Variants in USP30 observed in about 807,000 individuals in gnomAD.
The protein encoded by USP30 is ubiquitin carboxyl-terminal hydrolase 30.
USP30 carries 41 observed loss-of-function variants against 68.2 expected under a neutral mutation model. The observed-to-expected ratio is 0.60, with a 90% confidence interval of 0.47 to 0.78. The LOEUF is 0.78. USP30 is among the 30% of genes least tolerant of loss of function. USP30 has a pLI of 0.00. For synonymous variants in USP30, 229 were observed against 253.7 expected (o/e 0.90, Z 0.93); for missense variants, 522 against 649.4 (o/e 0.80, Z 2.13).
intron 1 of USP30, among the ~76,000 whole-genome samples, chr12:109,055,401 T>TATATATACATATATATATATATACATATA (rs61062424): frequency 3.4e-5 from 1 of 29,634 alleles, no homozygotes; most frequent in Non-Finnish European, 6.5e-5. Flanking sequence ...TATATATATA[T>TATATATACATATATATATATATACATATA]TTTTTTTTTT....
chr12:109,071,607 G>A lies in USP30; in HGVS notation c.481-5G>A, dbSNP rs748242163. ...CTCTCTAAAGAATGCTTTGCCCTAT[G>A]ACAGGATGCTCACGAATTATTCCAT... is the stretch of plus-strand genomic sequence containing the variant. On this transcript the variant is annotated splice_polypyrimidine_tract_variant and splice_region_variant and intron_variant, in intron 4 of 12. Transcript: ENST00000257548. 12 of 1,613,782 alleles carry A rather than the reference G, an allele frequency of 7.4e-6. No homozygotes were observed. Among genetic ancestry groups the A allele is most frequent in the Non-Finnish European group, 1.0e-5 (12 of 1,179,834 alleles).
At chr12:109,059,328 G>A (rs1458836059) in intron 3 of USP30, among the ~76,000 whole-genome samples, 1 of 151,946 alleles carries the variant, frequency 6.6e-6, no homozygotes, top group Non-Finnish European at 1.5e-5. Flanking sequence ...CTGAGTAGCT[G>A]GGATGACAGG....
At chr12:109,034,746 T>C (rs2040507111) in intron 3 of USP30, among the ~76,000 whole-genome samples, 1 of 152,252 alleles carries the variant, frequency 6.6e-6, no homozygotes, top group Non-Finnish European at 1.5e-5. Context: ...TACTGTTAAA[T>C]TGTCTATTTC....
At chr12:109,035,507 G>T (rs1208816625) in intron 3 of USP30, among the ~76,000 whole-genome samples, 1 of 152,090 alleles carries the variant, frequency 6.6e-6, no homozygotes, top group South Asian at 2.1e-4. Flanking sequence ...GGGACTACAG[G>T]CATGTGCCAC....
intron 4 of USP30, 80 bp downstream of exon 4, chr12:109,067,707 G>A: frequency 3.2e-6 from 4 of 1,234,828 alleles, no homozygotes; most frequent in Non-Finnish European, 4.7e-6. Flanking sequence ...AAATTGCCTG[G>A]CCCCAGTGTA....
intron 4 of USP30, among the ~76,000 whole-genome samples, chr12:109,068,667 A>G (rs2041335687): frequency 6.6e-6 from 1 of 152,204 alleles, no homozygotes; most frequent in African/African-American, 2.4e-5. Flanking sequence ...TTTAGTCACC[A>G]AGGACATCAG....
chr12:109,052,710 C>A lies in USP30; in HGVS notation c.32C>A (p.Thr11Asn). The change falls in exon 1 of 13, where the codon ACC becomes AAC. Residue 11 changes from threonine to asparagine, a missense_variant. Coordinates refer to ENST00000257548, the MANE Select transcript of USP30 (RefSeq NM_032663.5). MLSSRAEAAMTAADRAIQRFL... is the reference protein window; with the variant it reads MLSSRAEAAMNAADRAIQRFL... ...AGCTCCCGGGCCGAGGCGGCGATGA[C>A]CGCGGCCGACAGGGCCATCCAGCGC... 1 of 1,482,566 alleles carries A rather than the reference C, an allele frequency of 6.7e-7. No individual in the cohort carries two copies. The highest frequency in any genetic ancestry group is 8.9e-7 in the Non-Finnish European group (1 of 1,118,682). 91.8% of individuals were successfully genotyped at this position (1,482,566 alleles called of 1,614,324 possible). A position where few individuals can be genotyped will look rare whatever the true frequency, so the allele number is the denominator to read the frequency against.
chr12:109,041,189 T>C (rs529114887), intron 3 of USP30, among the ~76,000 whole-genome samples: 3 of 152,360 alleles, frequency 2.0e-5, no homozygotes, highest in Admixed American at 6.5e-5. Flanking sequence ...GCTGAAGACT[T>C]ATGGGATTTC....
chr12:109,065,250 T>G (rs1018037851), intron 3 of USP30, among the ~76,000 whole-genome samples: 1 of 152,202 alleles, frequency 6.6e-6, no homozygotes, highest in Admixed American at 6.5e-5. Context: ...CTAGCAGTAC[T>G]GGTCTAGTGT....
chr12:109,037,957 A>G (rs896997337), intron 3 of USP30, among the ~76,000 whole-genome samples: 2 of 151,994 alleles, frequency 1.3e-5, no homozygotes, highest in African/African-American at 4.8e-5. Flanking sequence ...TCAGAATTAC[A>G]TCTGAATTTT....
chr12:109,080,013 C>G (rs925562992), intron 7 of USP30, among the ~76,000 whole-genome samples: 4 of 152,182 alleles, frequency 2.6e-5, no homozygotes, highest in Non-Finnish European at 5.9e-5. Flanking sequence ...CCTGGCTGGG[C>G]TCAAACTCAA....
Position 109,087,335 on chromosome 12 carries a change from G to C in USP30, c.*1404G>C, listed in dbSNP as rs191426781. ...TTCCTCTGCTGGGGGTGAGCTGGCA[G>C]ACACACCAAACAGTGCCTTGGCAGC... On this transcript the variant is annotated 3_prime_UTR_variant, in exon 13 of 13. Transcript: ENST00000257548. The C allele has an allele frequency of 3.3e-4, 51 of 152,318 alleles. No individual in the cohort carries two copies. The highest frequency in any genetic ancestry group is 1.2e-3 in the African/African-American group (50 of 41,558). The allele number at this position is 152,318 out of a possible 1,614,324, so 9.4% of individuals were successfully genotyped here. A position where few individuals can be genotyped will look rare whatever the true frequency, so the allele number is the denominator to read the frequency against.
chr12:109,073,692 G>T (rs1321169479), intron 7 of USP30, among the ~76,000 whole-genome samples, 160 bp downstream of exon 7: 1 of 152,172 alleles, frequency 6.6e-6, no homozygotes, highest in African/African-American at 2.4e-5. Flanking sequence ...GTCAGTGTCA[G>T]CATGTCATTT....
rs2041971861 is a variant in USP30 at position 109,087,409 on chromosome 12, G to C, written c.*1478G>C. 6.6e-6 allele frequency: 1 copy of C among 152,136 alleles called. No individual in the cohort carries two copies. Among genetic ancestry groups the C allele is most frequent in the Non-Finnish European group, 1.5e-5 (1 of 68,040 alleles). 9.4% of individuals were successfully genotyped at this position (152,136 alleles called of 1,614,324 possible). A position where few individuals can be genotyped will look rare whatever the true frequency, so the allele number is the denominator to read the frequency against. ...GTGATCACTCTTCTGCTGGGCCCAGGCTGCACCCTGAGGACTCAGTAACTC... is the reference window on the plus strand; with the variant it reads ...GTGATCACTCTTCTGCTGGGCCCAGCCTGCACCCTGAGGACTCAGTAACTC... On this transcript the variant is annotated 3_prime_UTR_variant, in exon 13 of 13. Coordinates refer to ENST00000257548, the MANE Select transcript of USP30 (RefSeq NM_032663.5).
At chr12:109,055,824 A>AG (rs2040855547) in intron 1 of USP30, among the ~76,000 whole-genome samples, 2 of 151,658 alleles carry the variant, frequency 1.3e-5, no homozygotes, top group Non-Finnish European at 2.9e-5. Context: ...TTAAAAAAAA[A>AG]AAAAAGAAAA....
Position 109,071,000 on chromosome 12 carries a change from C to T in USP30, c.481-612C>T, listed in dbSNP as rs184623501. ...CTACAACATAGGTGAAGCTTGAAGA[C>T]GTTATGCCGAGGAAAATAAGCCAGT... On this transcript the variant is annotated intron_variant, in intron 4 of 12. Transcript: ENST00000257548. This position sits in a 1 kb window ranked among gnomAD's most constrained non-coding sequence, Gnocchi z 4.0. 2.4e-4 allele frequency among the ~76,000 whole-genome samples: 36 copies of T among 152,282 alleles called. No individual in the cohort carries two copies. Among genetic ancestry groups the T allele is most frequent in the Non-Finnish European group, 3.8e-4 (26 of 68,028 alleles).
rs2041848646 is a variant in USP30 at position 109,083,034 on chromosome 12, GCAGGATGGGCCGGGAGCCCCCACAC to G, written c.1145_1168+1del. The G allele has an allele frequency of 6.2e-7, 1 of 1,612,446 alleles. No homozygotes were observed. Among genetic ancestry groups the G allele is most frequent in the South Asian group, 1.1e-5 (1 of 90,934 alleles). ...AGAACCCAGGGCCTACACTGGAGCT[GCAGGATGGGCCGGGAGCCCCCACAC>G]CAGGTGTGTGCGCGCGAGGAGCCGA... On this transcript the variant is annotated frameshift_variant, in exon 11 of 13. Coordinates refer to ENST00000257548, the MANE Select transcript of USP30 (RefSeq NM_032663.5). LOFTEE classifies it high-confidence loss of function.
chr12:109,047,785 C>T (rs768771556), upstream of USP30: 1 of 152,068 alleles, frequency 6.6e-6, no homozygotes, highest in African/African-American at 2.4e-5. Context: ...CCCAGGAGTT[C>T]GAGACCAGTC....
At chr12:109,051,037 A>G (rs1458552391), upstream of USP30, among the ~76,000 whole-genome samples, 2 of 152,074 alleles carry the variant, frequency 1.3e-5, no homozygotes, top group African/African-American at 2.4e-5. Context: ...TCACATAGAA[A>G]TGACATATTT....
Sources: gnomAD v4.1 joint callset for allele counts (sites outside exome capture counted in the v4.1 genomes callset) on GRCh38, gnomAD v4.1.1 for gene constraint, Gnocchi (gnomAD v3.1) non-coding constraint, MANE v1.5 for transcripts, NCBI Gene and HGNC (gene_info 2026-07-23, HGNC 2026-07-21) for gene names.